EHHADH: variants seen among roughly 807,000 people sequenced by gnomAD.
The protein encoded by EHHADH is peroxisomal bifunctional enzyme.
Under a neutral mutation model 64.4 loss-of-function variants are expected in EHHADH, and 48 were observed. The observed-to-expected ratio is 0.75, with a 90% CI of 0.59 to 0.95. The LOEUF (loss-of-function observed/expected upper bound fraction) is 0.95, where lower values mean the gene tolerates loss of function less well. EHHADH is among the 40% of genes least tolerant of loss of function. The pLI is 0.00. For missense variants in EHHADH, 854 were observed against 876.6 expected (o/e 0.97, Z 0.33); for synonymous variants, 308 against 326.7 (o/e 0.94, Z 0.62).
intron 5 of EHHADH, among the ~76,000 whole-genome samples, chr3:185,206,916 C>G (rs537521904): frequency 6.6e-5 from 10 of 151,608 alleles, no homozygotes; most frequent in Non-Finnish European, 1.3e-4. Flanking sequence ...CCCCCCCCAC[C>G]AAATGTTCAT....
chr3:185,210,460 C>T (rs1221653993), intron 5 of EHHADH, among the ~76,000 whole-genome samples: 1 of 151,822 alleles, frequency 6.6e-6, no homozygotes, highest in Non-Finnish European at 1.5e-5. Flanking sequence ...ATAGTGAAAC[C>T]CCGTCTCTAC....
intron 5 of EHHADH, 51 bp from the exon 6 acceptor site, chr3:185,204,808 G>A: frequency 1.4e-6 from 2 of 1,428,800 alleles, no homozygotes; most frequent in Non-Finnish European, 1.9e-6. Flanking sequence ...TTGTACAAAG[G>A]GAATGTGAAT....
Position 185,191,954 on chromosome 3 carries a change from A to T in EHHADH, c.*272T>A, listed in dbSNP as rs1276124527. The T allele has an allele frequency of 2.3e-6, 1 of 426,862 alleles. No homozygotes were observed. The highest frequency in any genetic ancestry group is 2.0e-5 in the African/African-American group (1 of 49,624). The allele number at this position is 426,862 out of a possible 1,614,324, so 26.4% of individuals were successfully genotyped here. A position where few individuals can be genotyped will look rare whatever the true frequency, so the allele number is the denominator to read the frequency against. The stretch of plus-strand genomic sequence containing the variant: ...AATGATAAAAGCATTTGAGAATCTC[A>T]ACTTATGCCTGAGCCTCTTTCATTA... On this transcript the variant is annotated 3_prime_UTR_variant, in exon 7 of 7. Transcript: ENST00000231887.
chr3:185,210,322 G>T (rs1718506266), intron 5 of EHHADH, among the ~76,000 whole-genome samples: 1 of 152,076 alleles, frequency 6.6e-6, no homozygotes, highest in Admixed American at 6.6e-5. Context: ...TTTTTTAAGA[G>T]TAGCCATGCC....
intron 1 of EHHADH, among the ~76,000 whole-genome samples, chr3:185,252,883 ATCTTAT>A (rs1420370047): frequency 2.6e-5 from 4 of 152,078 alleles, no homozygotes; most frequent in African/African-American, 7.2e-5. Flanking sequence ...ATTTCCACTA[ATCTTAT>A]TCCCTGTGGA....
intron 4 of EHHADH, 26 bp from the exon 5 acceptor site, chr3:185,218,266 C>G (rs1417701908): frequency 6.5e-7 from 1 of 1,530,242 alleles, no homozygotes; most frequent in East Asian, 2.3e-5. Flanking sequence ...ACAACAATAA[C>G]AACAAATCAA....
rs114859878 is a variant in EHHADH at position 185,237,771 on chromosome 3, T to A, written c.179-2309A>T. 5.3e-3 allele frequency among the ~76,000 whole-genome samples: 813 copies of A among 152,324 alleles called. 10 individuals are homozygous for A. The highest frequency in any genetic ancestry group is 0.019 in the African/African-American group (776 of 41,586). On this transcript the variant is annotated intron_variant, in intron 2 of 6. Transcript: ENST00000231887. ...CTAAGATTATTTAAAATTATTTTTA[T>A]AGATTCGGGGGGTACATGTACAGGT...
At chr3:185,198,946 A>G (rs1718151547) in intron 6 of EHHADH, among the ~76,000 whole-genome samples, 2 of 152,012 alleles carry the variant, frequency 1.3e-5, no homozygotes, top group Non-Finnish European at 2.9e-5. Context: ...AAAAAAAAAC[A>G]TGAAGAGCAT....
chr3:185,215,366 G>T (rs1401051879), intron 5 of EHHADH, among the ~76,000 whole-genome samples: 1 of 151,908 alleles, frequency 6.6e-6, no homozygotes, highest in Non-Finnish European at 1.5e-5. Context: ...AATAGGAATG[G>T]CTCTCAAAAA....
At chr3:185,214,190 T>A (rs562913211) in intron 5 of EHHADH, among the ~76,000 whole-genome samples, 10 of 152,318 alleles carry the variant, frequency 6.6e-5, no homozygotes, top group African/African-American at 2.2e-4. Flanking sequence ...AGGGTTTCCA[T>A]GGGATTCTAA....
intron 5 of EHHADH, among the ~76,000 whole-genome samples, chr3:185,211,559 GTCTC>G (rs144431357): frequency 2.0e-5 from 3 of 150,370 alleles, no homozygotes; most frequent in Non-Finnish European, 3.0e-5. Flanking sequence ...CAAGGAATCT[GTCTC>G]TCTCTCTCTC....
In EHHADH at chr3:185,235,430, T is replaced by C; in HGVS notation, c.211A>G (p.Thr71Ala). 1 of 1,612,880 alleles carries C rather than the reference T, an allele frequency of 6.2e-7. No homozygotes were observed. The highest frequency in any genetic ancestry group is 8.5e-7 in the Non-Finnish European group (1 of 1,179,496). ...ACATGTCCCAGTGTAAGGCCAAATGTCCTAGGAGCACTGAAGCCACGAATA... is the reference window on the plus strand; with the variant it reads ...ACATGTCCCAGTGTAAGGCCAAATGCCCTAGGAGCACTGAAGCCACGAATA... The part of the protein sequence containing the change: ...ADIRGFSAPR[T>A]FGLTLGHVVD... The change falls in exon 3 of 7, where the codon ACA becomes GCA. Residue 71 changes from threonine to alanine, a missense_variant. By Grantham distance (58) the Thr-to-Ala change is moderately conservative (BLOSUM62 0). Coordinates refer to ENST00000231887, the MANE Select transcript of EHHADH (RefSeq NM_001966.4).
chr3:185,224,957 C>T (rs1718934298), intron 4 of EHHADH, among the ~76,000 whole-genome samples: 2 of 152,188 alleles, frequency 1.3e-5, no homozygotes, highest in Admixed American at 6.5e-5. Context: ...TTGAATGTAA[C>T]ATAATATATT....
chr3:185,213,752 T>C (rs561468892), intron 5 of EHHADH, among the ~76,000 whole-genome samples: 2 of 151,714 alleles, frequency 1.3e-5, no homozygotes, highest in African/African-American at 2.4e-5. Context: ...TGGTGATGCA[T>C]GCCTGTAATC....
At chr3:185,226,085 C>T (rs1019858733) in intron 4 of EHHADH, among the ~76,000 whole-genome samples, 7 of 152,124 alleles carry the variant, frequency 4.6e-5, no homozygotes, top group Non-Finnish European at 8.8e-5. Context: ...TCCAAAGTGA[C>T]CCCCAGCAAG....
intron 5 of EHHADH, among the ~76,000 whole-genome samples, chr3:185,209,803 G>A (rs1274463346): frequency 3.3e-5 from 5 of 152,198 alleles, no homozygotes; most frequent in Non-Finnish European, 1.5e-5. Flanking sequence ...CCCATATGAT[G>A]TTAAAGAATA....
At chr3:185,204,899 A>T (rs1432885612) in intron 5 of EHHADH, 142 bp from the exon 6 acceptor site, 2 of 640,454 alleles carry the variant, frequency 3.1e-6, no homozygotes, top group African/African-American at 3.6e-5. Context: ...TACACTAAAC[A>T]TATGTACACT....
intron 5 of EHHADH, among the ~76,000 whole-genome samples, chr3:185,211,755 T>C (rs139075397): frequency 1.7e-3 from 260 of 152,362 alleles, no homozygotes; most frequent in African/African-American, 6.1e-3. Flanking sequence ...TCTGCTCTTT[T>C]GAAACATGTT....
chr3:185,253,696 C>T (rs1005085066), intron 1 of EHHADH: 44 of 782,798 alleles, frequency 5.6e-5, no homozygotes, highest in Non-Finnish European at 7.7e-5. Flanking sequence ...GCCTCAGCCT[C>T]AGTTTCCTTA....
Sources: gnomAD v4.1 joint callset for allele counts (sites outside exome capture counted in the v4.1 genomes callset) on GRCh38, gnomAD v4.1.1 for gene constraint, MANE v1.5 for transcripts, NCBI Gene and HGNC (gene_info 2026-07-23, HGNC 2026-07-21) for gene names.